Variants in WDR7 observed in about 807,000 individuals in gnomAD.
WDR7 encodes WD repeat domain 7, also known as WD repeat-containing protein 7.
In WDR7, 46 loss-of-function variants were observed where a neutral mutation model predicts 169.4. The ratio of observed to expected loss-of-function variants is 0.27; its 90% CI spans 0.21 to 0.35. The LOEUF (loss-of-function observed/expected upper bound fraction) is 0.35. Among genes scored for constraint, WDR7 ranks in the 10% least tolerant of loss-of-function variants. The probability of loss-of-function intolerance (pLI) is 1.00; values close to 1 mark genes in which losing one functional copy is unlikely to be tolerated. For synonymous variants in WDR7, 612 were observed against 666.8 expected, an observed-to-expected ratio of 0.92 and a Z score of 1.27; for missense variants, 1,534 against 1,859.3, an observed-to-expected ratio of 0.83 and a Z score of 3.22.
chr18:56,786,141 G>A (rs908495919), intron 19 of WDR7, among the ~76,000 whole-genome samples: 4 of 152,064 alleles, frequency 2.6e-5, no homozygotes, highest in African/African-American at 9.7e-5. Context: ...ATTGCCCAGG[G>A]ATTCTGGCAG....
chr18:56,666,893 A>ATTT (rs5825197), intron 1 of WDR7, among the ~76,000 whole-genome samples: 184 of 143,734 alleles, frequency 1.3e-3, no homozygotes, highest in African/African-American at 4.0e-3. Context: ...AAACCAGGCT[A>ATTT]TTTTTTTTTT....
At chr18:56,666,201 CTTTTTTTT>C (rs71169386) in intron 1 of WDR7, among the ~76,000 whole-genome samples, 13 of 100,980 alleles carry the variant, frequency 1.3e-4, no homozygotes, top group East Asian at 3.7e-4. Flanking sequence ...ATTCCTTCGT[CTTTTTTTT>C]TTTTTTTTTT....
intron 16 of WDR7, among the ~76,000 whole-genome samples, chr18:56,764,774 C>T (rs949139485): frequency 3.3e-5 from 5 of 151,962 alleles, no homozygotes; most frequent in African/African-American, 7.2e-5. Context: ...TCAAGTTGCC[C>T]GTGTTCAAGT....
At chr18:56,985,231 C>G (rs971149117) in intron 26 of WDR7, among the ~76,000 whole-genome samples, 16 of 151,970 alleles carry the variant, frequency 1.1e-4, no homozygotes, top group Admixed American at 1.0e-3. Flanking sequence ...TTTTTATTGT[C>G]TTAAAAAAGC....
intron 26 of WDR7, among the ~76,000 whole-genome samples, chr18:56,973,178 G>A (rs2047517685): frequency 6.6e-6 from 1 of 152,170 alleles, no homozygotes; most frequent in Non-Finnish European, 1.5e-5. Flanking sequence ...GCCCGGCCAT[G>A]GGTACTTCTT....
chr18:56,923,944 G>A lies in WDR7; in HGVS notation c.3549G>A (p.Leu1183=). 1 of 1,569,474 alleles carries A rather than the reference G, an allele frequency of 6.4e-7. No homozygotes were observed. The highest frequency in any genetic ancestry group is 1.2e-5 in the South Asian group (1 of 81,246). ...CAGGCAAGGCACTGACGTTTCTTCT[G>A]CTACAGCCTCCAAGCCCCAAACTTC... The part of the protein sequence containing the change: ...RHTCKALTFL[L]LQPPSPKLPP... The change falls in exon 22 of 28, where the codon CTG becomes CTA. Residue 1183 remains leucine (L), a synonymous_variant. Coordinates refer to ENST00000254442, the MANE Select transcript of WDR7 (RefSeq NM_015285.3).
intron 21 of WDR7, among the ~76,000 whole-genome samples, chr18:56,906,068 G>A (rs986916652): frequency 1.3e-5 from 2 of 152,134 alleles, no homozygotes; most frequent in Non-Finnish European, 2.9e-5. Flanking sequence ...ATGGACCTGG[G>A]CAATCACTCC....
chr18:56,710,648 A>G lies in WDR7; in HGVS notation c.1579-7316A>G, dbSNP rs573167751. 4.4e-4 allele frequency among the ~76,000 whole-genome samples: 67 copies of G among 152,296 alleles called. 1 individual carries two copies. The South Asian group carries it at 0.014, about 31-fold the overall frequency. ...CAATGAAAGTATCAGAACCTCAGAAATTTGATATAATAGCTTATTAACATT... is the reference window on the plus strand; with the variant it reads ...CAATGAAAGTATCAGAACCTCAGAAGTTTGATATAATAGCTTATTAACATT... On this transcript the variant is annotated intron_variant, in intron 12 of 27. Transcript: ENST00000254442.
intron 20 of WDR7, among the ~76,000 whole-genome samples, chr18:56,872,372 AC>A (rs1263137791): frequency 6.6e-6 from 1 of 152,162 alleles, no homozygotes; most frequent in African/African-American, 2.4e-5. Context: ...AGTAATCAAT[AC>A]CTCATAGCCC....
At chr18:56,710,764 A>T (rs2026069548) in intron 12 of WDR7, among the ~76,000 whole-genome samples, 1 of 152,202 alleles carries the variant, frequency 6.6e-6, no homozygotes, top group Admixed American at 6.5e-5. Context: ...AGTTACTTAT[A>T]TGCTTCAGTT....
intron 2 of WDR7, among the ~76,000 whole-genome samples, chr18:56,679,061 G>T (rs907710607): frequency 2.6e-5 from 4 of 152,190 alleles, no homozygotes; most frequent in African/African-American, 9.7e-5. Context: ...AAGGCCTGTT[G>T]TAACCACTCC....
intron 25 of WDR7, among the ~76,000 whole-genome samples, chr18:56,945,496 C>T (rs901028067): frequency 3.2e-4 from 48 of 152,168 alleles, no homozygotes; most frequent in African/African-American, 9.9e-4. Context: ...TTAGAGATTC[C>T]GTGACTGTCA....
At chr18:56,654,051 C>T (rs1181035136) in intron 1 of WDR7, among the ~76,000 whole-genome samples, 1 of 152,178 alleles carries the variant, frequency 6.6e-6, no homozygotes, top group African/African-American at 2.4e-5. Flanking sequence ...TCCAATTTTT[C>T]CAGACTAATA....
chr18:56,758,434 A>G lies in WDR7; in HGVS notation c.2760-431A>G, dbSNP rs114502391. Among the ~76,000 whole-genome samples the G allele has an allele frequency of 9.6e-3, 1,467 of 152,276 alleles. 30 individuals carry two copies. The highest frequency in any genetic ancestry group is 0.034 in the African/African-American group (1,410 of 41,546). On this transcript the variant is annotated intron_variant, in intron 15 of 27. Transcript: ENST00000254442. ...GTAAGTGGTAGTGTCAGAATTCACA[A>G]CTGAGACAGTCTGCCTCTATAGTCC... is the stretch of plus-strand genomic sequence containing the variant.
chr18:56,869,473 T>A (rs999542436), intron 20 of WDR7, among the ~76,000 whole-genome samples: 3 of 152,096 alleles, frequency 2.0e-5, no homozygotes, highest in African/African-American at 7.2e-5. Flanking sequence ...CCTCTTAGAT[T>A]TGGGGAGCAA....
intron 12 of WDR7, among the ~76,000 whole-genome samples, chr18:56,711,085 T>G (rs2026076738): frequency 6.6e-6 from 1 of 151,968 alleles, no homozygotes; most frequent in African/African-American, 2.4e-5. Context: ...CAAGGGTTAT[T>G]AGTGTTTGAG....
chr18:56,700,743 G>T (rs1423551288), intron 12 of WDR7, among the ~76,000 whole-genome samples: 7 of 149,674 alleles, frequency 4.7e-5, no homozygotes, highest in Non-Finnish European at 1.0e-4. Flanking sequence ...CTAATTTTTT[G>T]TATTTTTAGT....
At chr18:56,680,515 T>C (rs533694745) in intron 3 of WDR7, among the ~76,000 whole-genome samples, 1 of 152,338 alleles carries the variant, frequency 6.6e-6, no homozygotes, top group South Asian at 2.1e-4. Context: ...TGAATGCTCT[T>C]TGAAAAATTG....
At chr18:56,727,062 C>T (rs2026474168) in intron 13 of WDR7, among the ~76,000 whole-genome samples, 1 of 152,170 alleles carries the variant, frequency 6.6e-6, no homozygotes, top group Non-Finnish European at 1.5e-5. Flanking sequence ...CTGTCTTCAA[C>T]TTAAGGAATC....
Sources: allele counts gnomAD v4.1 joint callset (sites outside exome capture counted in the v4.1 genomes callset), GRCh38; gene constraint gnomAD v4.1.1; transcripts MANE v1.5; gene names NCBI Gene and HGNC (gene_info 2026-07-23, HGNC 2026-07-21).